Variants in TBC1D5 observed in about 807,000 individuals in gnomAD.
TBC1D5 encodes the protein TBC1 domain family, member 5.
In TBC1D5, 75 loss-of-function variants were observed where a neutral mutation model predicts 100.3. The ratio of observed to expected loss-of-function variants is 0.75; its 90% CI spans 0.62 to 0.91. The LOEUF (loss-of-function observed/expected upper bound fraction) is 0.91. Among genes scored for constraint, TBC1D5 ranks in the 40% least tolerant of loss-of-function variants. The pLI is 0.00. For synonymous variants in TBC1D5, 323 were observed against 325.6 expected (o/e 0.99, Z 0.09); for missense variants, 910 against 942.4 (o/e 0.97, Z 0.45).
intron 1 of TBC1D5, among the ~76,000 whole-genome samples, chr3:17,696,745 C>T (rs1051870330): frequency 1.4e-4 from 22 of 152,302 alleles, no homozygotes; most frequent in African/African-American, 4.3e-4. Flanking sequence ...TCCTCCCTAA[C>T]TCATTTTATG....
At chr3:17,484,363 T>A (rs1433497326) in intron 3 of TBC1D5, among the ~76,000 whole-genome samples, 1 of 151,866 alleles carries the variant, frequency 6.6e-6, no homozygotes, top group African/African-American at 2.4e-5. Flanking sequence ...ACTCAAAAAT[T>A]GATAAAAGGT....
At chr3:17,345,325 A>G (rs1385812373) in intron 13 of TBC1D5, among the ~76,000 whole-genome samples, 1 of 152,248 alleles carries the variant, frequency 6.6e-6, no homozygotes, top group Non-Finnish European at 1.5e-5. Context: ...AAAAATGCTC[A>G]TCATCACTGG....
At chr3:17,594,025 T>A (rs1269685710) in intron 2 of TBC1D5, among the ~76,000 whole-genome samples, 1 of 152,176 alleles carries the variant, frequency 6.6e-6, no homozygotes, top group Admixed American at 6.5e-5. Context: ...CCTGTTCTCA[T>A]GACATTAAGT....
At chr3:17,298,995 G>A (rs2082538628) in intron 14 of TBC1D5, among the ~76,000 whole-genome samples, 1 of 152,138 alleles carries the variant, frequency 6.6e-6, no homozygotes, top group African/African-American at 2.4e-5. Flanking sequence ...TATGATAAAA[G>A]TTTAATTTAT....
At chr3:17,173,385 T>C (rs1226764385) in intron 19 of TBC1D5, among the ~76,000 whole-genome samples, 1 of 152,136 alleles carries the variant, frequency 6.6e-6, no homozygotes, top group African/African-American at 2.4e-5. Flanking sequence ...CTGATCGAAG[T>C]GAGGTCAGCC....
rs184899327 is a variant in TBC1D5, at chr3:17,219,159, T to C, written c.1589-4789A>G. The stretch of plus-strand genomic sequence containing the variant: ...TTCAGTTGACATATATTCCAAGTTC[T>C]GATTCTTTGGCAGCTCAAATCTGCT... On this transcript the variant is annotated intron_variant, in intron 17 of 21. Transcript: ENST00000253692. 3.8e-3 allele frequency among the ~76,000 whole-genome samples: 575 copies of C among 151,904 alleles called. 5 individuals are homozygous for C. The highest frequency in any genetic ancestry group is 0.013 in the African/African-American group (545 of 41,518).
intron 3 of TBC1D5, among the ~76,000 whole-genome samples, chr3:17,458,419 C>A (rs1469524758): frequency 6.6e-6 from 1 of 152,140 alleles, no homozygotes; most frequent in Non-Finnish European, 1.5e-5. Context: ...TGTTCCTCAC[C>A]ACGGAGGGCA....
At chr3:17,196,087 A>G (rs147655072) in intron 18 of TBC1D5, among the ~76,000 whole-genome samples, 1 of 152,328 alleles carries the variant, frequency 6.6e-6, no homozygotes, top group East Asian at 1.9e-4. Flanking sequence ...ACTGAGTGCC[A>G]GACACAATAT....
At chr3:17,386,725 G>A (rs1349727413) in intron 8 of TBC1D5, among the ~76,000 whole-genome samples, 1 of 152,080 alleles carries the variant, frequency 6.6e-6, no homozygotes, top group Non-Finnish European at 1.5e-5. Flanking sequence ...GGCTGTGCTG[G>A]CGTCTCTGAG....
chr3:17,348,411 T>C (rs1194809030), intron 13 of TBC1D5, among the ~76,000 whole-genome samples: 1 of 152,218 alleles, frequency 6.6e-6, no homozygotes, highest in Non-Finnish European at 1.5e-5. Context: ...TACCCTGATA[T>C]GGGACCTGGG....
At chr3:17,333,813 T>C (rs867335634) in intron 13 of TBC1D5, among the ~76,000 whole-genome samples, 1 of 152,118 alleles carries the variant, frequency 6.6e-6, no homozygotes, top group Non-Finnish European at 1.5e-5. Context: ...CTAAGGTCCA[T>C]TAGAAGCTAG....
At chr3:17,681,699 C>T (rs755048045) in intron 1 of TBC1D5, among the ~76,000 whole-genome samples, 5 of 151,502 alleles carry the variant, frequency 3.3e-5, no homozygotes, top group African/African-American at 9.8e-5. Context: ...TTAGATTTCA[C>T]GAAAATGTCA....
exon 14 of TBC1D5, chr3:17,308,042 C>A (rs766097182): frequency 9.3e-6 from 15 of 1,610,318 alleles, no homozygotes; most frequent in Non-Finnish European, 1.2e-5. Context: ...ATCTACTAAA[C>A]CCAGGCTGAG....
rs115839152 is a variant in TBC1D5 at position 17,398,961 on chromosome 3, T to C, written c.509+4220A>G. ...CAGACTAGGCACAAATGATTTCCAA[T>C]TGCCAAGACTGGAAAATGTTTCATA... On this transcript the variant is annotated intron_variant, in intron 8 of 21. Transcript: ENST00000253692. 3.2e-3 allele frequency among the ~76,000 whole-genome samples: 481 copies of C among 152,214 alleles called. 1 individual carries two copies. Among genetic ancestry groups the C allele is most frequent in the African/African-American group, 0.011 (454 of 41,548 alleles).
At chr3:17,352,095 T>C (rs975677396) in intron 13 of TBC1D5, among the ~76,000 whole-genome samples, 2 of 152,030 alleles carry the variant, frequency 1.3e-5, no homozygotes, top group African/African-American at 2.4e-5. Flanking sequence ...GAAAAAATTC[T>C]TTCTTGATGC....
chr3:17,167,670 T>G (rs2066770907), intron 20 of TBC1D5, 79 bp downstream of exon 21: 3 of 1,309,336 alleles, frequency 2.3e-6, no homozygotes, highest in Non-Finnish European at 3.3e-6. Context: ...GGCTCTAACA[T>G]CATGGTGCTC....
intron 19 of TBC1D5, among the ~76,000 whole-genome samples, chr3:17,178,066 CTTT>C (rs34673889): frequency 1.5e-5 from 2 of 130,046 alleles, no homozygotes; most frequent in Admixed American, 8.0e-5. Context: ...AATAGTGCTC[CTTT>C]TTTTTTTTTT....
intron 13 of TBC1D5, among the ~76,000 whole-genome samples, chr3:17,354,965 T>C (rs1020058575): frequency 8.5e-5 from 13 of 152,114 alleles, no homozygotes; most frequent in African/African-American, 2.9e-4. Flanking sequence ...CCCAATTGGC[T>C]ACAATGGGAT....
chr3:17,572,069 G>C (rs1241179595), intron 2 of TBC1D5, among the ~76,000 whole-genome samples: 1 of 151,934 alleles, frequency 6.6e-6, no homozygotes, highest in Non-Finnish European at 1.5e-5. Context: ...CAGCATTGCA[G>C]TCTGAGGTTC....
Sources: gnomAD v4.1 joint callset for allele counts (sites outside exome capture counted in the v4.1 genomes callset) on GRCh38, gnomAD v4.1.1 for gene constraint, MANE v1.5 for transcripts, NCBI Gene and HGNC (gene_info 2026-07-23, HGNC 2026-07-21) for gene names.